MAMLD1: variants seen among roughly 807,000 people sequenced by gnomAD.
MAMLD1 encodes the protein mastermind like domain containing 1.
In MAMLD1, 14 loss-of-function variants were observed where a neutral mutation model predicts 45.0. The observed-to-expected ratio is 0.31, with a 90% CI of 0.21 to 0.49. The LOEUF (loss-of-function observed/expected upper bound fraction) is 0.49. MAMLD1 is among the 20% of genes least tolerant of loss of function. The pLI, the probability that MAMLD1 is intolerant of heterozygous loss-of-function variation, is 0.99. For synonymous variants in MAMLD1, 254 were observed against 247.8 expected (o/e 1.02, Z -0.24); for missense variants, 543 against 603.6 (o/e 0.90, Z 1.05).
chrX:150,380,071 A>C (rs2032526493), intron 1 of MAMLD1, among the ~76,000 whole-genome samples: 1 of 112,594 alleles, frequency 8.9e-6, no homozygotes, highest in Non-Finnish European at 1.9e-5. Context: ...TCAAAATGTA[A>C]AAACAAATGT....
chrX:150,403,181 C>T lies in MAMLD1; in HGVS notation c.-64+39651C>T, dbSNP rs138040611. ...ATGGAGGAATCCCCAAAACATGATA[C>T]TGAGTTTAAGAACCCAGACACAAGA... On this transcript the variant is annotated intron_variant, in intron 1 of 7. Coordinates refer to ENST00000370401, the MANE Select transcript of MAMLD1 (RefSeq NM_005491.5). Among the ~76,000 whole-genome samples, 108 of 111,708 alleles carry T rather than the reference C, an allele frequency of 9.7e-4. 1 individual carries two copies. The East Asian group carries it at 0.014, about 14-fold the overall frequency.
At chrX:150,493,693 T>C (rs2037262587) in intron 5 of MAMLD1, among the ~76,000 whole-genome samples, 1 of 111,909 alleles carries the variant, frequency 8.9e-6, no homozygotes, top group South Asian at 3.7e-4. Context: ...ATCATGCACG[T>C]CACCAATCTC....
chrX:150,362,065 C>T (rs1158786795), upstream of MAMLD1, among the ~76,000 whole-genome samples: 1 of 112,173 alleles, frequency 8.9e-6, no homozygotes, highest in Non-Finnish European at 1.9e-5. Context: ...GGCACTCGGC[C>T]GGGATGGAGA....
At chrX:150,392,743 T>C (rs1297738897) in intron 1 of MAMLD1, among the ~76,000 whole-genome samples, 3 of 108,594 alleles carry the variant, frequency 2.8e-5, no homozygotes, top group African/African-American at 1.0e-4. Context: ...GTCCTTTTAC[T>C]AGGGGAAAAG....
At chrX:150,509,488 TCTGGGTCTCC>T (rs1373749275) in intron 6 of MAMLD1, 3 of 131,498 alleles carry the variant, frequency 2.3e-5, no homozygotes, top group Non-Finnish European at 4.6e-5. Flanking sequence ...AGCCAGTCTG[TCTGGGTCTCC>T]CTGAGACTGG....
chrX:150,401,828 C>T (rs2033780971), intron 1 of MAMLD1, among the ~76,000 whole-genome samples: 3 of 110,644 alleles, frequency 2.7e-5, no homozygotes, highest in Admixed American at 9.6e-5. Flanking sequence ...GGAAAGGATT[C>T]CCTATTTAAT....
chrX:150,479,337 G>T (rs782124869), intron 5 of MAMLD1, among the ~76,000 whole-genome samples: 3 of 111,988 alleles, frequency 2.7e-5, no homozygotes, highest in South Asian at 3.7e-4. Context: ...GCACAAGGCC[G>T]CCTACTTAAG....
chrX:150,491,712 C>T (rs1334681419), intron 5 of MAMLD1, among the ~76,000 whole-genome samples: 2 of 111,937 alleles, frequency 1.8e-5, no homozygotes, highest in Non-Finnish European at 3.8e-5. Context: ...AGCTGGGTAA[C>T]AAGCTGGCTT....
chrX:150,511,870 G>T, intron 7 of MAMLD1, 134 bp from the exon 8 acceptor site: 1 of 468,203 alleles, frequency 2.1e-6, no homozygotes, highest in Non-Finnish European at 3.2e-6. Context: ...CTGGGGAGCA[G>T]GGGGGAGCTC....
intron 1 of MAMLD1, among the ~76,000 whole-genome samples, chrX:150,439,680 A>G (rs1433094174): frequency 8.9e-6 from 1 of 112,013 alleles, no homozygotes; most frequent in Non-Finnish European, 1.9e-5. Flanking sequence ...CACGCCTGTA[A>G]TCCCAGCACT....
chrX:150,476,370 A>G (rs1200020895), intron 5 of MAMLD1, among the ~76,000 whole-genome samples: 1 of 112,466 alleles, frequency 8.9e-6, no homozygotes, highest in Non-Finnish European at 1.9e-5. Context: ...CGCGGTTAGG[A>G]CTTACTTCAG....
rs782423484 is a variant in MAMLD1 at position 150,417,424 on chromosome X, G to T, written c.-63-28030G>T. ...CAGTCTATCATTGTTGGACATTTGG[G>T]TTGGTTCCAAGTCTTTGCTATTGTG... On this transcript the variant is annotated intron_variant, in intron 1 of 7. Transcript: ENST00000370401. Among the ~76,000 whole-genome samples the T allele has an allele frequency of 3.1e-3, 321 of 104,893 alleles. 1 individual carries two copies. The highest frequency in any genetic ancestry group is 0.01 in the African/African-American group (295 of 28,103). 91.1% of individuals were successfully genotyped at this position (104,893 alleles called of 115,157 possible). A position where few individuals can be genotyped will look rare whatever the true frequency, so the allele number is the denominator to read the frequency against.
intron 5 of MAMLD1, among the ~76,000 whole-genome samples, chrX:150,496,486 G>A (rs146935081): frequency 1.8e-5 from 2 of 112,250 alleles, no homozygotes; most frequent in East Asian, 2.8e-4. Context: ...CATTTACAGC[G>A]TTTCACTCAG....
intron 1 of MAMLD1, among the ~76,000 whole-genome samples, chrX:150,399,631 G>A (rs782675217): frequency 1.2e-4 from 13 of 111,149 alleles, no homozygotes; most frequent in Non-Finnish European, 2.1e-4. Context: ...AAGACAGAGG[G>A]AGAGATAGGA....
Position 150,513,627 on chromosome X carries a change from C to G in MAMLD1, c.*1668C>G, listed in dbSNP as rs1365346807. On this transcript the variant is annotated 3_prime_UTR_variant, in exon 8 of 8. Coordinates refer to ENST00000370401, the MANE Select transcript of MAMLD1 (RefSeq NM_005491.5). ...GCGAACCTTTCAGTCTCCGCTAGCT[C>G]TTTCCTAATGAGCTTTACAGCAGAA... 3.4e-6 allele frequency: 1 copy of G among 298,482 alleles called. No individual in the cohort carries two copies. Among genetic ancestry groups the G allele is most frequent in the Non-Finnish European group, 5.8e-6 (1 of 171,170 alleles). 24.6% of individuals were successfully genotyped at this position (298,482 alleles called of 1,213,427 possible). A position where few individuals can be genotyped will look rare whatever the true frequency, so the allele number is the denominator to read the frequency against.
At chrX:150,409,253 G>T (rs1428049784) in intron 1 of MAMLD1, among the ~76,000 whole-genome samples, 1 of 111,723 alleles carries the variant, frequency 9.0e-6, no homozygotes, top group African/African-American at 3.3e-5. Flanking sequence ...ACCTTTGCTG[G>T]GTAGTCAGCA....
intron 1 of MAMLD1, among the ~76,000 whole-genome samples, chrX:150,435,853 C>T (rs782278968): frequency 8.9e-6 from 1 of 112,542 alleles, no homozygotes; most frequent in Admixed American, 9.4e-5. Context: ...TGGGTGGTAA[C>T]AACCTTTCCT....
At chrX:150,458,307 G>A (rs2035932927) in intron 2 of MAMLD1, among the ~76,000 whole-genome samples, 1 of 111,382 alleles carries the variant, frequency 9.0e-6, no homozygotes, top group Admixed American at 9.5e-5. Context: ...GAACTAATCA[G>A]GTGTCTCTGG....
chrX:150,425,448 A>G (rs1351020196), intron 1 of MAMLD1, among the ~76,000 whole-genome samples: 5 of 112,774 alleles, frequency 4.4e-5, no homozygotes, highest in Admixed American at 9.4e-5. Context: ...GCACAAGGCT[A>G]TAATTATATG....
Sources: gnomAD v4.1 joint callset for allele counts (sites outside exome capture counted in the v4.1 genomes callset) on GRCh38, gnomAD v4.1.1 for gene constraint, MANE v1.5 for transcripts, NCBI Gene and HGNC (gene_info 2026-07-23, HGNC 2026-07-21) for gene names.